Variants in DLC1 observed in about 807,000 individuals in gnomAD.
DLC1 encodes DLC1 Rho GTPase activating protein.
A neutral mutation model predicts 140.3 loss-of-function variants in DLC1; 54 were observed. That is an observed-to-expected ratio of 0.38 (90% confidence interval 0.31 to 0.48). The LOEUF (loss-of-function observed/expected upper bound fraction) is 0.48. DLC1 is among the 20% of genes least tolerant of loss of function. The pLI is 0.96. For missense variants in DLC1, 2,536 were observed against 1,907.0 expected, an observed-to-expected ratio of 1.33 and a Z score of -6.14; for synonymous variants, 986 against 728.1, an observed-to-expected ratio of 1.35 and a Z score of -5.70.
chr8:13,435,372 G>A (rs757761883), intron 2 of DLC1, among the ~76,000 whole-genome samples: 1 of 152,054 alleles, frequency 6.6e-6, no homozygotes, highest in Non-Finnish European at 1.5e-5. Flanking sequence ...GGAGTGCAAT[G>A]GCTCGATCTC....
chr8:13,587,077 T>TACAC (rs3066501), intron 1 of DLC1, among the ~76,000 whole-genome samples: 6,370 of 142,816 alleles, frequency 0.045, 200 homozygotes, highest in Middle Eastern at 0.081. Flanking sequence ...GAAAATAGTT[T>TACAC]ACACACACAC....
At chr8:13,421,606 T>C (rs1313270829) in intron 2 of DLC1, among the ~76,000 whole-genome samples, 2 of 152,170 alleles carry the variant, frequency 1.3e-5, no homozygotes, top group Non-Finnish European at 2.9e-5. Context: ...GGTTCATTGT[T>C]TGTGTCCTTG....
intron 5 of DLC1, among the ~76,000 whole-genome samples, chr8:13,213,699 C>T (rs1425628534): frequency 1.3e-5 from 2 of 152,056 alleles, no homozygotes; most frequent in Non-Finnish European, 2.9e-5. Flanking sequence ...TGTATGGACC[C>T]AACTGTACAA....
At chr8:13,470,999 G>A (rs1332385988) in intron 2 of DLC1, among the ~76,000 whole-genome samples, 3 of 152,156 alleles carry the variant, frequency 2.0e-5, no homozygotes, top group Non-Finnish European at 4.4e-5. Flanking sequence ...CTACAACATG[G>A]ATGAATCTGG....
intron 1 of DLC1, among the ~76,000 whole-genome samples, chr8:13,548,048 G>A (rs2117347896): frequency 6.6e-6 from 1 of 152,124 alleles, no homozygotes; most frequent in African/African-American, 2.4e-5. Context: ...GTATCTATCA[G>A]AATCTCTTTT....
chr8:13,568,333 A>G (rs1009640124), intron 1 of DLC1: 3 of 184,824 alleles, frequency 1.6e-5, no homozygotes, highest in Admixed American at 5.8e-5. Flanking sequence ...CATTAATTTC[A>G]TTAAGACAGG....
chr8:13,185,850 A>C (rs1563146774), intron 5 of DLC1, among the ~76,000 whole-genome samples: 4 of 152,152 alleles, frequency 2.6e-5, no homozygotes, highest in Non-Finnish European at 5.9e-5. Context: ...TGGTGGTGAC[A>C]AAAATCTCTC....
In DLC1 at chr8:13,401,514, A is replaced by T; in HGVS notation, c.1129T>A (p.Ser377Thr). The T allele has an allele frequency of 1.9e-6, 3 of 1,612,916 alleles. No individual in the cohort carries two copies. Among genetic ancestry groups the T allele is most frequent in the Non-Finnish European group, 2.5e-6 (3 of 1,179,978 alleles). ...TTTGTTGGTGTGCCTGATGGAGAGG[A>T]GCTGGTGCTGAGGGCATTTTCTATG... ...QDIENALSTS[S>T]SPSGTPTNLR... is the part of the protein sequence containing the mutation. The change falls in exon 3 of 18, where the codon TCC (serine) becomes ACC (threonine). Residue 377 changes from serine to threonine, a missense_variant. Transcript: ENST00000276297.
intron 5 of DLC1, among the ~76,000 whole-genome samples, chr8:13,277,529 T>C (rs951389833): frequency 1.3e-5 from 2 of 151,984 alleles, no homozygotes; most frequent in Admixed American, 1.3e-4. Flanking sequence ...CAAAAACTCA[T>C]CCCCCAAAAT....
Position 13,453,527 on chromosome 8 carries a change from TGTATATATATAC to T in DLC1, c.1023+45510_1023+45521del, listed in dbSNP as rs1563360790. ...GTATATATATATACATATATATATA[TGTATATATATAC>T]ATATATATATATATATATTTTTTTT... On this transcript the variant is annotated intron_variant, in intron 2 of 17. Coordinates refer to ENST00000276297, the MANE Select transcript of DLC1 (RefSeq NM_182643.3). Among the ~76,000 whole-genome samples, 118 of 55,378 alleles carry T rather than the reference TGTATATATATAC, an allele frequency of 2.1e-3. 7 individuals are homozygous for T. The highest frequency in any genetic ancestry group is 9.6e-3 in the African/African-American group (102 of 10,600). The allele number at this position is 55,378 out of a possible 152,430, so 36.3% of individuals were successfully genotyped here.
In DLC1 at chr8:13,544,610, A is replaced by G. The variant is rs755967140; in HGVS notation, c.-125-44414T>C. ...CATTACATACTGTTGTGCATGATTC[A>G]TGCTCTTGAGAGTAATCATAGAACT... On this transcript the variant is annotated intron_variant, in intron 1 of 1. Coordinates refer to the DLC1 transcript ENST00000631382. Among the ~76,000 whole-genome samples the G allele has an allele frequency of 4.3e-4, 65 of 152,282 alleles. 1 individual carries two copies. Among genetic ancestry groups the G allele is most frequent in the Middle Eastern group, 6.8e-3 (2 of 294 alleles).
chr8:13,470,956 A>G (rs1008612847), intron 2 of DLC1, among the ~76,000 whole-genome samples: 1 of 152,216 alleles, frequency 6.6e-6, no homozygotes, highest in Non-Finnish European at 1.5e-5. Context: ...ATGGAATATT[A>G]TTTAGCCAAA....
chr8:13,498,665 T>C (rs1029504530), intron 2 of DLC1, among the ~76,000 whole-genome samples: 1 of 152,134 alleles, frequency 6.6e-6, no homozygotes, highest in African/African-American at 2.4e-5. Flanking sequence ...TATGCCCAAA[T>C]AAATGCTATA....
intron 4 of DLC1, among the ~76,000 whole-genome samples, chr8:13,347,642 T>C (rs1013168651): frequency 1.9e-4 from 29 of 152,304 alleles, no homozygotes; most frequent in African/African-American, 6.7e-4. Context: ...GCTGTAGTTT[T>C]TTTCTGGTCA....
intron 5 of DLC1, among the ~76,000 whole-genome samples, chr8:13,134,825 C>G (rs1388192237): frequency 1.3e-5 from 2 of 152,148 alleles, no homozygotes; most frequent in Non-Finnish European, 2.9e-5. Flanking sequence ...AGCTAACTTC[C>G]ACTACTGGCT....
intron 4 of DLC1, among the ~76,000 whole-genome samples, chr8:13,356,268 G>C (rs552482687): frequency 6.6e-6 from 1 of 151,872 alleles, no homozygotes; most frequent in Non-Finnish European, 1.5e-5. Flanking sequence ...ACCTTATTTA[G>C]ACTTTTAGAC....
chr8:13,239,359 T>C (rs903021411), intron 5 of DLC1, among the ~76,000 whole-genome samples: 2 of 151,712 alleles, frequency 1.3e-5, no homozygotes, highest in Non-Finnish European at 2.9e-5. Flanking sequence ...CTACGAGATA[T>C]GTGGGGAATA....
At chr8:13,213,709 A>T (rs1828056422) in intron 5 of DLC1, among the ~76,000 whole-genome samples, 1 of 152,138 alleles carries the variant, frequency 6.6e-6, no homozygotes, top group African/African-American at 2.4e-5. Context: ...CAACTGTACA[A>T]TAAAATTTCA....
At chr8:13,588,709 A>G (rs1233204294) in intron 1 of DLC1, among the ~76,000 whole-genome samples, 1 of 152,148 alleles carries the variant, frequency 6.6e-6, no homozygotes, top group Non-Finnish European at 1.5e-5. Context: ...AATTATGGCT[A>G]CTTGACTATC....
Sources: gnomAD v4.1 joint callset for allele counts (sites outside exome capture counted in the v4.1 genomes callset) on GRCh38, gnomAD v4.1.1 for gene constraint, MANE v1.5 for transcripts, NCBI Gene and HGNC (gene_info 2026-07-23, HGNC 2026-07-21) for gene names.